Variants in NEK7 observed in about 807,000 individuals in gnomAD.
NEK7 encodes the protein NIMA related kinase 7, also known as serine/threonine-protein kinase Nek7.
NEK7 carries 18 observed loss-of-function variants against 44.6 expected under a neutral mutation model. The ratio of observed to expected loss-of-function variants is 0.40; its 90% CI spans 0.28 to 0.60. The LOEUF is 0.60. Ranked by LOEUF, NEK7 falls within the 20% of genes least tolerant of loss-of-function variation. NEK7 has a pLI of 0.38. For missense variants in NEK7, 256 were observed against 366.5 expected, an observed-to-expected ratio of 0.70 and a Z score of 2.46; for synonymous variants, 130 against 121.1, an observed-to-expected ratio of 1.07 and a Z score of -0.48.
At chr1:198,262,350 G>A (rs577658822) in intron 3 of NEK7, among the ~76,000 whole-genome samples, 4 of 151,806 alleles carry the variant, frequency 2.6e-5, no homozygotes, top group Non-Finnish European at 5.9e-5. Context: ...GTGTTAAGGG[G>A]TATCTACCTG....
chr1:198,216,183 A>T (rs958512521), intron 1 of NEK7, among the ~76,000 whole-genome samples: 2 of 152,162 alleles, frequency 1.3e-5, no homozygotes, highest in Non-Finnish European at 2.9e-5. Flanking sequence ...ATGATAGGCC[A>T]CAAAATGAGT....
chr1:198,230,599 T>A (rs547207598), intron 1 of NEK7, among the ~76,000 whole-genome samples: 6 of 152,184 alleles, frequency 3.9e-5, no homozygotes, highest in African/African-American at 1.4e-4. Flanking sequence ...TAATACGTTT[T>A]TCCTAAGATT....
intron 3 of NEK7, among the ~76,000 whole-genome samples, chr1:198,259,631 G>A (rs1279901340): frequency 6.6e-6 from 1 of 152,100 alleles, no homozygotes; most frequent in Non-Finnish European, 1.5e-5. Context: ...CTGTGTGTGT[G>A]TGTTTCATAC....
At chr1:198,181,748 A>G (rs1664774377) in intron 1 of NEK7, among the ~76,000 whole-genome samples, 1 of 152,150 alleles carries the variant, frequency 6.6e-6, no homozygotes, top group Non-Finnish European at 1.5e-5. Context: ...ATGTAGTGCC[A>G]TTACTGAAGA....
chr1:198,293,151 A>T, intron 8 of NEK7, 112 bp downstream of exon 8: 1 of 594,976 alleles, frequency 1.7e-6, no homozygotes, highest in East Asian at 2.8e-5. Flanking sequence ...CACCTTTTTA[A>T]TTGTGAAGAA....
In NEK7 at chr1:198,220,300, C is replaced by CA. The variant is rs201218003; in HGVS notation, c.-28-12252dup. ...TTGTCTTTGGCACAACAAAATGTTT[C>CA]AGACTCAGCTTGTTCTTTCTCAGCC... On this transcript the variant is annotated intron_variant, in intron 1 of 9. Coordinates refer to ENST00000367385, the MANE Select transcript of NEK7 (RefSeq NM_133494.3). Among the ~76,000 whole-genome samples the CA allele has an allele frequency of 6.7e-4, 102 of 152,046 alleles. 1 individual carries two copies. The East Asian group carries it at 0.017, about 26-fold the overall frequency.
intron 2 of NEK7, among the ~76,000 whole-genome samples, chr1:198,250,139 G>C (rs1197703439): frequency 1.3e-4 from 20 of 149,610 alleles, no homozygotes; most frequent in South Asian, 4.3e-4. Context: ...AATAGGGAAT[G>C]CTTTCCCCAT....
At chr1:198,315,018 G>A (rs891731791) in intron 9 of NEK7, among the ~76,000 whole-genome samples, 16 of 152,250 alleles carry the variant, frequency 1.1e-4, no homozygotes, top group East Asian at 7.7e-4. Context: ...AATGGCGGGC[G>A]CCCCTCCCCC....
rs566145075 is a variant in NEK7 at position 198,194,626 on chromosome 1, A to C, written c.-29+37350A>C. Reference sequence around the variant, plus strand: ...GTCAGTGGCCTCCAACTCCATCCATATTCCCACAAAGGACATAATCTCCTT... The same window carrying C: ...GTCAGTGGCCTCCAACTCCATCCATCTTCCCACAAAGGACATAATCTCCTT... On this transcript the variant is annotated intron_variant, in intron 1 of 9. Transcript: ENST00000367385. Among the ~76,000 whole-genome samples the C allele has an allele frequency of 9.2e-5, 14 of 152,242 alleles. No homozygotes were observed. The East Asian group carries it at 2.7e-3, about 29-fold the overall frequency.
chr1:198,254,102 T>A (rs1007300673), intron 3 of NEK7, among the ~76,000 whole-genome samples: 1 of 152,144 alleles, frequency 6.6e-6, no homozygotes, highest in African/African-American at 2.4e-5. Flanking sequence ...AGATGATTAG[T>A]ATACTTGTGA....
At position 198,271,905 on chromosome 1, in the gene NEK7, T is replaced by TTTTA. The variant is rs751259588; in HGVS notation, c.373-6055_373-6054insTTAT. On this transcript the variant is annotated intron_variant, in intron 5 of 9. Coordinates refer to ENST00000367385, the MANE Select transcript of NEK7 (RefSeq NM_133494.3). ...TATATATAAATTAAAAATTTATATT[T>TTTTA]TATATATATATATATATATACACAC... Among the ~76,000 whole-genome samples the TTTTA allele has an allele frequency of 9.1e-4, 129 of 141,370 alleles. 1 individual carries two copies. Among genetic ancestry groups the TTTTA allele is most frequent in the East Asian group, 7.3e-3 (34 of 4,650 alleles). 92.7% of individuals were successfully genotyped at this position (141,370 alleles called of 152,430 possible).
chr1:198,164,871 C>T (rs2102704150), intron 1 of NEK7, among the ~76,000 whole-genome samples: 1 of 152,310 alleles, frequency 6.6e-6, no homozygotes, highest in Admixed American at 6.5e-5. Flanking sequence ...GCATTTTACC[C>T]AAAGTAGAAA....
chr1:198,243,024 G>A (rs926311975), intron 2 of NEK7, among the ~76,000 whole-genome samples: 7 of 152,070 alleles, frequency 4.6e-5, no homozygotes, highest in Non-Finnish European at 1.0e-4. Flanking sequence ...CTTGCTCACC[G>A]TACTCCAGCC....
chr1:198,315,143 G>T (rs1228027919), intron 9 of NEK7, among the ~76,000 whole-genome samples: 1 of 152,156 alleles, frequency 6.6e-6, no homozygotes, highest in Non-Finnish European at 1.5e-5. Context: ...CTGGTGCGCC[G>T]TTTTTTTAAG....
chr1:198,190,648 C>G (rs1489941893), intron 1 of NEK7, among the ~76,000 whole-genome samples: 1 of 151,838 alleles, frequency 6.6e-6, no homozygotes, highest in African/African-American at 2.4e-5. Context: ...TTTTTGCATT[C>G]TTATAAATGC....
chr1:198,178,419 T>C (rs1371834308), intron 1 of NEK7, among the ~76,000 whole-genome samples: 1 of 152,068 alleles, frequency 6.6e-6, no homozygotes, highest in African/African-American at 2.4e-5. Flanking sequence ...TGCAAAAATT[T>C]GGCCCAAAGG....
intron 1 of NEK7, among the ~76,000 whole-genome samples, chr1:198,191,258 G>A (rs1665064382): frequency 1.3e-5 from 2 of 151,998 alleles, no homozygotes; most frequent in African/African-American, 4.8e-5. Flanking sequence ...TTGTAGGGAT[G>A]TTGTCCTTCA....
chr1:198,275,875 A>T (rs985206885), intron 5 of NEK7, among the ~76,000 whole-genome samples: 2 of 151,588 alleles, frequency 1.3e-5, no homozygotes, highest in African/African-American at 4.8e-5. Flanking sequence ...CCCTATACTT[A>T]AGGAATGGTT....
chr1:198,196,012 A>G (rs934858591), intron 1 of NEK7, among the ~76,000 whole-genome samples: 1 of 152,220 alleles, frequency 6.6e-6, no homozygotes, highest in African/African-American at 2.4e-5. Flanking sequence ...TGCTACCAGA[A>G]GACATTTTTC....
Sources: allele counts gnomAD v4.1 joint callset (sites outside exome capture counted in the v4.1 genomes callset), GRCh38; gene constraint gnomAD v4.1.1; transcripts MANE v1.5; gene names NCBI Gene and HGNC (gene_info 2026-07-23, HGNC 2026-07-21).